GORASP2: variants seen among roughly 807,000 people sequenced by gnomAD.
The protein encoded by GORASP2 is Golgi reassembly-stacking protein 2.
A neutral mutation model predicts 45.7 loss-of-function variants in GORASP2; 22 were observed. The ratio of observed to expected loss-of-function variants is 0.48; its 90% confidence interval spans 0.34 to 0.69. The LOEUF is 0.69. Among genes scored for constraint, GORASP2 ranks in the 30% least tolerant of loss-of-function variants. The pLI, the probability that GORASP2 is intolerant of heterozygous loss-of-function variation, is 0.01. For synonymous variants in GORASP2, 221 were observed against 215.6 expected (o/e 1.02, Z -0.22); for missense variants, 491 against 562.7 (o/e 0.87, Z 1.29).
intron 1 of GORASP2, among the ~76,000 whole-genome samples, chr2:170,940,459 C>T (rs929797992): frequency 1.1e-4 from 16 of 152,166 alleles, no homozygotes; most frequent in Non-Finnish European, 1.9e-4. Context: ...TGTGAAATGA[C>T]CCAAACCTAG....
chr2:170,951,035 G>A (rs1704288493), intron 4 of GORASP2, among the ~76,000 whole-genome samples: 1 of 152,216 alleles, frequency 6.6e-6, no homozygotes, highest in Non-Finnish European at 1.5e-5. Flanking sequence ...AGACAACCAG[G>A]TCTTAATAAT....
chr2:170,934,247 G>GTTT (rs200425729), intron 1 of GORASP2, among the ~76,000 whole-genome samples: 24 of 128,326 alleles, frequency 1.9e-4, no homozygotes, highest in South Asian at 6.7e-4. Context: ...CTCATACCCT[G>GTTT]TTTTTTTTTT....
intron 1 of GORASP2, chr2:170,929,823 G>C (rs1356196140): frequency 2.1e-6 from 1 of 470,390 alleles, no homozygotes; most frequent in African/African-American, 2.0e-5. Flanking sequence ...CTAGGAGAGG[G>C]ATCCGGACCC....
intron 7 of GORASP2, among the ~76,000 whole-genome samples, chr2:170,961,037 T>A (rs573915667): frequency 6.6e-6 from 1 of 152,340 alleles, no homozygotes; most frequent in Admixed American, 6.5e-5. Context: ...TCCTGAGGCT[T>A]ACTTGTACGT....
At chr2:170,957,338 A>C (rs770330160) in intron 7 of GORASP2, among the ~76,000 whole-genome samples, 2 of 151,534 alleles carry the variant, frequency 1.3e-5, no homozygotes, top group African/African-American at 4.9e-5. Context: ...GTACAATGGC[A>C]TGGTCTTGGC....
At chr2:170,929,702 G>A in intron 1 of GORASP2, 2 of 606,640 alleles carry the variant, frequency 3.3e-6, no homozygotes, top group East Asian at 3.7e-5. Context: ...CTCTTTTTCC[G>A]CACGGCCTTC....
chr2:170,952,273 T>TA (rs1704316363), intron 5 of GORASP2, among the ~76,000 whole-genome samples: 1 of 152,214 alleles, frequency 6.6e-6, no homozygotes, highest in Non-Finnish European at 1.5e-5. Flanking sequence ...CACATATTCT[T>TA]TCATTTTTAA....
At chr2:170,945,625 TCAAA>T (rs1476555389) in intron 1 of GORASP2, among the ~76,000 whole-genome samples, 1 of 152,098 alleles carries the variant, frequency 6.6e-6, no homozygotes, top group Non-Finnish European at 1.5e-5. Flanking sequence ...AAAAACATGA[TCAAA>T]CAGTTTTAGG....
intron 1 of GORASP2, among the ~76,000 whole-genome samples, chr2:170,942,399 C>T (rs974424369): frequency 6.6e-6 from 1 of 152,132 alleles, no homozygotes; most frequent in African/African-American, 2.4e-5. Flanking sequence ...CACCCACAAC[C>T]CCTCATAACA....
intron 1 of GORASP2, among the ~76,000 whole-genome samples, chr2:170,933,986 T>TA (rs11408240): frequency 0.6 from 91,945 of 152,000 alleles, 29,413 homozygotes; most frequent in East Asian, 0.95. Context: ...GAATTACTTC[T>TA]ATAGAAAATG....
At chr2:170,947,141 A>G (rs1044830740) in intron 1 of GORASP2, among the ~76,000 whole-genome samples, 2 of 152,154 alleles carry the variant, frequency 1.3e-5, no homozygotes, top group Non-Finnish European at 2.9e-5. Context: ...TACACCCTGA[A>G]AACTGCTTAT....
intron 1 of GORASP2, among the ~76,000 whole-genome samples, chr2:170,931,430 A>G (rs1306422158): frequency 1.3e-5 from 2 of 152,192 alleles, no homozygotes; most frequent in African/African-American, 2.4e-5. Flanking sequence ...GCCTAAATGG[A>G]CAGCGATATA....
At chr2:170,951,255 G>A in intron 4 of GORASP2, 73 bp from the exon 5 acceptor site, 1 of 1,195,830 alleles carries the variant, frequency 8.4e-7, no homozygotes, top group African/African-American at 1.5e-5. Context: ...AGGTGATTCT[G>A]ATAGCCAGGT....
At chr2:170,959,335 T>G (rs1704499251) in intron 7 of GORASP2, among the ~76,000 whole-genome samples, 1 of 152,364 alleles carries the variant, frequency 6.6e-6, no homozygotes. Context: ...ACATTTTAAA[T>G]CTTTCCTCAT....
At chr2:170,932,286 A>G (rs1703842970) in intron 1 of GORASP2, among the ~76,000 whole-genome samples, 1 of 152,050 alleles carries the variant, frequency 6.6e-6, no homozygotes, top group South Asian at 2.1e-4. Context: ...TTACCTTGTA[A>G]TCATGATCCA....
chr2:170,953,920 G>A (rs1360209650), intron 5 of GORASP2: 3 of 152,228 alleles, frequency 2.0e-5, no homozygotes, highest in African/African-American at 7.2e-5. Flanking sequence ...CATTCCCTTG[G>A]TTTGGGCAGG....
At chr2:170,933,571 C>T (rs1392353372) in intron 1 of GORASP2, among the ~76,000 whole-genome samples, 2 of 152,166 alleles carry the variant, frequency 1.3e-5, no homozygotes, top group East Asian at 3.8e-4. Context: ...GAAAATAAAG[C>T]TGAAAGGTAA....
intron 9 of GORASP2, among the ~76,000 whole-genome samples, chr2:170,963,448 C>G (rs555064261): frequency 6.9e-6 from 1 of 144,524 alleles, no homozygotes; most frequent in Non-Finnish European, 1.5e-5. Context: ...GCTGCTGCTG[C>G]TGCTCCTCCT....
At chr2:170,943,369 GACTT>G (rs1265780043) in intron 1 of GORASP2, among the ~76,000 whole-genome samples, 17 of 152,194 alleles carry the variant, frequency 1.1e-4, no homozygotes, top group Non-Finnish European at 1.8e-4. Context: ...TAGCTATAAA[GACTT>G]ACCCTCAGAT....
Sources: gnomAD v4.1 joint callset for allele counts (sites outside exome capture counted in the v4.1 genomes callset) on GRCh38, gnomAD v4.1.1 for gene constraint, MANE v1.5 for transcripts, NCBI Gene and HGNC (gene_info 2026-07-23, HGNC 2026-07-21) for gene names.